Variants in SLC16A7 observed in about 807,000 individuals in gnomAD.
SLC16A7 encodes the protein solute carrier family 16 member 7.
SLC16A7 carries 33 observed loss-of-function variants against 34.9 expected under a neutral mutation model. The observed-to-expected ratio is 0.94, with a 90% CI of 0.72 to 1.26. The LOEUF is 1.26. Among genes scored for constraint, SLC16A7 ranks in the 50% most tolerant of loss-of-function variants. SLC16A7 has a pLI of 0.00. For missense variants in SLC16A7, 573 were observed against 578.1 expected, an observed-to-expected ratio of 0.99 and a Z score of 0.09; for synonymous variants, 201 against 206.6, an observed-to-expected ratio of 0.97 and a Z score of 0.23.
chr12:59,759,256 A>G (rs1455671401), intron 3 of SLC16A7, among the ~76,000 whole-genome samples: 16 of 151,950 alleles, frequency 1.1e-4, no homozygotes, highest in Admixed American at 1.0e-3. Context: ...CTATGTGCCT[A>G]TCTACATAGC....
chr12:59,648,316 A>C (rs1868283212), intron 1 of SLC16A7, among the ~76,000 whole-genome samples: 1 of 152,116 alleles, frequency 6.6e-6, no homozygotes, highest in Non-Finnish European at 1.5e-5. Flanking sequence ...GTCCATTCCA[A>C]GTTTGGAATT....
chr12:59,654,578 T>A (rs1386086423), intron 1 of SLC16A7, among the ~76,000 whole-genome samples: 2 of 151,920 alleles, frequency 1.3e-5, no homozygotes, highest in Non-Finnish European at 2.9e-5. Context: ...TAAACCTTAT[T>A]TGTCTCACTG....
At chr12:59,751,569 C>G (rs967142603) in intron 3 of SLC16A7, among the ~76,000 whole-genome samples, 1 of 152,230 alleles carries the variant, frequency 6.6e-6, no homozygotes, top group African/African-American at 2.4e-5. Context: ...CCGCCATTGC[C>G]CAGGCTTGCT....
chr12:59,679,388 C>T (rs1870571464), intron 2 of SLC16A7, among the ~76,000 whole-genome samples: 1 of 152,218 alleles, frequency 6.6e-6, no homozygotes, highest in African/African-American at 2.4e-5. Flanking sequence ...AGGGCCACCA[C>T]TGCCATCATC....
At chr12:59,758,407 A>G (rs1473666115) in intron 3 of SLC16A7, among the ~76,000 whole-genome samples, 1 of 152,138 alleles carries the variant, frequency 6.6e-6, no homozygotes, top group Non-Finnish European at 1.5e-5. Flanking sequence ...ATTTACATTT[A>G]AATGTTAAAA....
chr12:59,747,447 GT>G (rs1879017558), intron 3 of SLC16A7, among the ~76,000 whole-genome samples: 1 of 152,094 alleles, frequency 6.6e-6, no homozygotes, highest in South Asian at 2.1e-4. Flanking sequence ...CTAATTAATT[GT>G]TTTTAACTCT....
intron 2 of SLC16A7, among the ~76,000 whole-genome samples, chr12:59,672,033 C>T (rs56000178): frequency 0.025 from 1 of 40 alleles, no homozygotes; most frequent in Non-Finnish European, 0.045. Context: ...GTATATATCG[C>T]ATATATCCGT....
chr12:59,610,996 C>G (rs1592387556), intron 1 of SLC16A7, among the ~76,000 whole-genome samples: 1 of 152,192 alleles, frequency 6.6e-6, no homozygotes, highest in South Asian at 2.1e-4. Context: ...TGTCTGGTGG[C>G]CTGCTTTCTG....
At position 59,647,182 on chromosome 12, in the gene SLC16A7, G is replaced by A. The variant is rs146586282; in HGVS notation, c.-129-7970G>A. On this transcript the variant is annotated intron_variant, in intron 1 of 5. Coordinates refer to ENST00000547379, the MANE Select transcript of SLC16A7 (RefSeq NM_001270623.2). ...GGACATAAGATTTGGGAGGGGCTGG[G>A]GGTGGAATGATATGGTTGGCTGTGT... 1.8e-4 allele frequency among the ~76,000 whole-genome samples: 28 copies of A among 152,190 alleles called. 1 individual carries two copies. In the East Asian group the frequency reaches 5.4e-3, roughly 30 times the overall value.
In SLC16A7 at chr12:59,697,227, G is replaced by A. The variant is rs138452335; in HGVS notation, c.-30-7545G>A. ...AGGTGATATTCCTTCAGGCCAGAAT[G>A]TAGAGAAATGTGAAACAGTTGATTA... is the stretch of plus-strand genomic sequence containing the variant. On this transcript the variant is annotated intron_variant, in intron 2 of 5. Transcript: ENST00000547379. Among the ~76,000 whole-genome samples the A allele has an allele frequency of 2.4e-3, 360 of 152,110 alleles. 1 individual carries two copies. Among genetic ancestry groups the A allele is most frequent in the African/African-American group, 7.3e-3 (303 of 41,568 alleles).
At chr12:59,641,023 C>T (rs1007276622) in intron 1 of SLC16A7, among the ~76,000 whole-genome samples, 1 of 151,960 alleles carries the variant, frequency 6.6e-6, no homozygotes, top group South Asian at 2.1e-4. Context: ...ATTTATATGT[C>T]TATACATACA....
At chr12:59,712,694 G>T (rs1223115140) in intron 3 of SLC16A7, among the ~76,000 whole-genome samples, 1 of 152,200 alleles carries the variant, frequency 6.6e-6, no homozygotes, top group Non-Finnish European at 1.5e-5. Flanking sequence ...CGCAAAACTA[G>T]TGTCAGTGTT....
At chr12:59,711,605 C>G (rs540977056) in intron 3 of SLC16A7, among the ~76,000 whole-genome samples, 1 of 152,276 alleles carries the variant, frequency 6.6e-6, no homozygotes, top group South Asian at 2.1e-4. Flanking sequence ...ACAGCCTTGA[C>G]TTCCTGGGCT....
At chr12:59,744,408 G>A (rs1453247772) in intron 3 of SLC16A7, among the ~76,000 whole-genome samples, 5 of 152,068 alleles carry the variant, frequency 3.3e-5, no homozygotes, top group African/African-American at 1.2e-4. Context: ...GGAGTCCAGC[G>A]GGGAAGGCTG....
chr12:59,657,190 C>A (rs559132973), intron 2 of SLC16A7, among the ~76,000 whole-genome samples: 6 of 151,946 alleles, frequency 3.9e-5, no homozygotes, highest in Admixed American at 3.9e-4. Flanking sequence ...TTGGGATGAG[C>A]GCCTTTGTGG....
At chr12:59,710,727 T>A (rs1041694085) in intron 3 of SLC16A7, among the ~76,000 whole-genome samples, 4 of 152,164 alleles carry the variant, frequency 2.6e-5, no homozygotes, top group East Asian at 1.9e-4. Flanking sequence ...GGCTTAAAAA[T>A]TTTCAAAAAT....
intron 3 of SLC16A7, among the ~76,000 whole-genome samples, chr12:59,740,261 A>T (rs1438552374): frequency 2.6e-5 from 4 of 151,900 alleles, no homozygotes. Flanking sequence ...CTTTCTACAT[A>T]TGGCTAGCCA....
chr12:59,732,307 C>A (rs1269643375), intron 3 of SLC16A7, among the ~76,000 whole-genome samples: 1 of 151,998 alleles, frequency 6.6e-6, no homozygotes, highest in Non-Finnish European at 1.5e-5. Flanking sequence ...GAAATCCCAG[C>A]TACTTGGGAG....
chr12:59,676,799 C>T (rs947456852), intron 2 of SLC16A7, among the ~76,000 whole-genome samples: 1 of 151,916 alleles, frequency 6.6e-6, no homozygotes, highest in Non-Finnish European at 1.5e-5. Context: ...TTTAAGTTTC[C>T]TATATAATTT....
Sources: gnomAD v4.1 joint callset for allele counts (sites outside exome capture counted in the v4.1 genomes callset) on GRCh38, gnomAD v4.1.1 for gene constraint, MANE v1.5 for transcripts, NCBI Gene and HGNC (gene_info 2026-07-23, HGNC 2026-07-21) for gene names.